Variants in CTNND2 observed in about 807,000 individuals in gnomAD.
CTNND2 encodes catenin delta-2.
A neutral mutation model predicts 144.4 loss-of-function variants in CTNND2; 22 were observed. The observed-to-expected ratio is 0.15, with a 90% CI of 0.11 to 0.22. The LOEUF is 0.22. Ranked by LOEUF, CTNND2 falls within the 10% of genes least tolerant of loss-of-function variation. The pLI is 1.00. For synonymous variants in CTNND2, 751 were observed against 695.6 expected (o/e 1.08, Z -1.25); for missense variants, 1,353 against 1,618.8 (o/e 0.84, Z 2.82).
At chr5:11,423,225 G>A (rs1329536672) in intron 3 of CTNND2, among the ~76,000 whole-genome samples, 2 of 152,150 alleles carry the variant, frequency 1.3e-5, no homozygotes, top group Non-Finnish European at 2.9e-5. Context: ...TGTGTGCTTG[G>A]TGTATACTGC....
intron 9 of CTNND2, among the ~76,000 whole-genome samples, chr5:11,267,164 C>A (rs1745525996): frequency 6.6e-6 from 1 of 152,188 alleles, no homozygotes; most frequent in Non-Finnish European, 1.5e-5. Flanking sequence ...CAGGCGTGAG[C>A]CACCGTGCCC....
intron 1 of CTNND2, among the ~76,000 whole-genome samples, chr5:11,812,876 G>A (rs551622351): frequency 1.3e-5 from 2 of 152,146 alleles, no homozygotes; most frequent in South Asian, 2.1e-4. Context: ...GCCAGGACAC[G>A]TTTCCATGTC....
chr5:11,446,748 G>A (rs31964), intron 3 of CTNND2, among the ~76,000 whole-genome samples: 16,663 of 152,054 alleles, frequency 0.11, 2,930 homozygotes, highest in African/African-American at 0.37. Flanking sequence ...CACCTGGGCC[G>A]GCCCCTGCAG....
chr5:11,272,129 A>C (rs769601368), intron 9 of CTNND2, among the ~76,000 whole-genome samples: 1 of 152,186 alleles, frequency 6.6e-6, no homozygotes, highest in Non-Finnish European at 1.5e-5. Context: ...ACAAATAAAC[A>C]GAGAGTTTAG....
At chr5:11,855,807 C>T (rs572986872) in intron 1 of CTNND2, among the ~76,000 whole-genome samples, 1 of 152,136 alleles carries the variant, frequency 6.6e-6, no homozygotes, top group African/African-American at 2.4e-5. Flanking sequence ...AACTCTGGGC[C>T]CCAGACCTAG....
rs143672036 is a variant in CTNND2 at position 11,178,579 on chromosome 5, G to A, written c.1976-18820C>T. On this transcript the variant is annotated intron_variant, in intron 11 of 21. Transcript: ENST00000304623. ...GTAGGAGGAGTATGATTAACAATGC[G>A]TCATAATGGAAGATGATGCTAACAA... 3.5e-3 allele frequency among the ~76,000 whole-genome samples: 527 copies of A among 152,256 alleles called. 3 individuals are homozygous for A. Among genetic ancestry groups the A allele is most frequent in the Middle Eastern group, 0.027 (8 of 294 alleles).
At chr5:11,109,867 A>G (rs1430056330) in intron 14 of CTNND2, among the ~76,000 whole-genome samples, 1 of 152,254 alleles carries the variant, frequency 6.6e-6, no homozygotes, top group African/African-American at 2.4e-5. Context: ...TATTTTGTAC[A>G]GGCAAATAGC....
chr5:11,194,142 C>T (rs990611985), intron 11 of CTNND2, among the ~76,000 whole-genome samples: 2 of 152,198 alleles, frequency 1.3e-5, no homozygotes, highest in Admixed American at 6.5e-5. Flanking sequence ...AGATGGAGCT[C>T]AGGGAGAAGC....
chr5:11,012,416 CA>C (rs1235204100), intron 18 of CTNND2, among the ~76,000 whole-genome samples: 1 of 152,234 alleles, frequency 6.6e-6, no homozygotes, highest in Non-Finnish European at 1.5e-5. Flanking sequence ...TTCCAGAGAA[CA>C]TGCTGCCAGG....
intron 3 of CTNND2, 26 bp downstream of exon 3, chr5:11,564,918 G>A: frequency 1.3e-6 from 2 of 1,519,146 alleles, no homozygotes; most frequent in South Asian, 1.1e-5. Flanking sequence ...TCAAAGCACA[G>A]ACAATGAACA....
At chr5:11,854,337 A>G (rs907248324) in intron 1 of CTNND2, among the ~76,000 whole-genome samples, 2 of 152,198 alleles carry the variant, frequency 1.3e-5, no homozygotes, top group Non-Finnish European at 2.9e-5. Context: ...CATGGCACTT[A>G]TCAACATCTA....
At chr5:11,248,194 C>T (rs1279755705) in intron 9 of CTNND2, among the ~76,000 whole-genome samples, 5 of 152,102 alleles carry the variant, frequency 3.3e-5, no homozygotes, top group Admixed American at 6.6e-5. Context: ...CCAAAATACT[C>T]GGATCAGGAG....
chr5:11,873,594 T>C (rs1240414822), intron 1 of CTNND2, among the ~76,000 whole-genome samples: 1 of 152,244 alleles, frequency 6.6e-6, no homozygotes, highest in Non-Finnish European at 1.5e-5. Context: ...AAGTCACCTC[T>C]CCGTTCTGAA....
chr5:11,876,226 G>A, intron 1 of CTNND2, among the ~76,000 whole-genome samples: 1 of 148,424 alleles, frequency 6.7e-6, no homozygotes, highest in African/African-American at 2.4e-5. Context: ...GAGGGAGGAG[G>A]CGGGAGGCAG....
At chr5:11,504,172 G>C (rs1158937057) in intron 3 of CTNND2, among the ~76,000 whole-genome samples, 2 of 152,282 alleles carry the variant, frequency 1.3e-5, no homozygotes, top group African/African-American at 4.8e-5. Flanking sequence ...TGCAGACAGG[G>C]AACCTGATGC....
intron 9 of CTNND2, among the ~76,000 whole-genome samples, chr5:11,267,039 C>T (rs1201245434): frequency 1.3e-5 from 2 of 152,166 alleles, no homozygotes. Flanking sequence ...CCACCACGCC[C>T]GGCTAATTTT....
At chr5:11,529,954 C>T (rs1382116788) in intron 3 of CTNND2, among the ~76,000 whole-genome samples, 1 of 151,640 alleles carries the variant, frequency 6.6e-6, no homozygotes, top group African/African-American at 2.4e-5. Context: ...TTGAAAATTA[C>T]ATATTATATG....
chr5:11,493,386 G>C (rs2149996995), intron 3 of CTNND2, among the ~76,000 whole-genome samples: 1 of 152,232 alleles, frequency 6.6e-6, no homozygotes, highest in Non-Finnish European at 1.5e-5. Flanking sequence ...TAAACTATAG[G>C]CTGCACTTCT....
chr5:11,030,008 C>T (rs1174697802), intron 16 of CTNND2, among the ~76,000 whole-genome samples: 12 of 151,422 alleles, frequency 7.9e-5, no homozygotes, highest in Admixed American at 1.3e-4. Context: ...TCCCTCACTT[C>T]TGCTGGACAT....
Sources: gnomAD v4.1 joint callset for allele counts (sites outside exome capture counted in the v4.1 genomes callset) on GRCh38, gnomAD v4.1.1 for gene constraint, MANE v1.5 for transcripts, NCBI Gene and HGNC (gene_info 2026-07-23, HGNC 2026-07-21) for gene names.